The following CLMN variants were observed in gnomAD, a reference collection of about 807,000 sequenced individuals.
CLMN encodes calmin (calponin-like, transmembrane).
CLMN carries 57 observed loss-of-function variants against 92.7 expected under a neutral mutation model. The ratio of observed to expected loss-of-function variants is 0.61; its 90% CI spans 0.50 to 0.77. CLMN has a LOEUF of 0.77. Ranked by LOEUF, CLMN falls within the 30% of genes least tolerant of loss-of-function variation. CLMN has a pLI of 0.00. For synonymous variants in CLMN, 466 were observed against 470.6 expected (o/e 0.99, Z 0.13); for missense variants, 1,158 against 1,237.5 (o/e 0.94, Z 0.96).
chr14:95,287,870 CCT>C (rs756936387), intron 1 of CLMN, among the ~76,000 whole-genome samples: 29 of 152,296 alleles, frequency 1.9e-4, no homozygotes, highest in Non-Finnish European at 4.0e-4. Flanking sequence ...CATTTCCCTC[CCT>C]GTGCTCTCAA....
intron 1 of CLMN, among the ~76,000 whole-genome samples, chr14:95,243,740 AC>A (rs1898351043): frequency 2.0e-5 from 2 of 98,678 alleles, no homozygotes; most frequent in East Asian, 2.5e-4. Context: ...TTTTTTTAGC[AC>A]CAAAGAACCC....
In CLMN at chr14:95,196,709, A is replaced by C. The variant is rs201945230; in HGVS notation, c.2512-15T>G. The C allele has an allele frequency of 2.0e-5, 32 of 1,609,462 alleles. No homozygotes were observed. The highest frequency in any genetic ancestry group is 3.4e-5 in the Admixed American group (2 of 59,372). ...GATTCCTGGGACTGAAAGACAGAAC[A>C]ACCAAATCCAAGTCAGTATGTCACG... is the stretch of plus-strand genomic sequence containing the variant. On this transcript the variant is annotated splice_polypyrimidine_tract_variant and intron_variant, in intron 9 of 12. Coordinates refer to ENST00000298912, the MANE Select transcript of CLMN (RefSeq NM_024734.4).
intron 1 of CLMN, among the ~76,000 whole-genome samples, chr14:95,237,273 G>A (rs530764680): frequency 2.0e-5 from 3 of 152,208 alleles, no homozygotes; most frequent in Non-Finnish European, 4.4e-5. Context: ...AGTGCCTTTC[G>A]CAATCCTCAC....
chr14:95,203,569 C>A lies in CLMN; in HGVS notation c.1780G>T (p.Asp594Tyr). ...GCATGATTCTCAAAAGCCTCAGCAT[C>A]CTCGTCAGGTTTTGTCTCATGAGGT... Reference protein sequence around the residue: ...PSPHETKPDEDAEAFENHAEK... With the variant: ...PSPHETKPDEYAEAFENHAEK... The change falls in exon 9 of 13, where the codon GAT becomes TAT. Residue 594 changes from aspartate (D) to tyrosine (Y), a missense_variant. Physicochemically the swap from Asp to Tyr is radical, Grantham distance 160. Coordinates refer to ENST00000298912, the MANE Select transcript of CLMN (RefSeq NM_024734.4). 1.9e-6 allele frequency: 3 copies of A among 1,614,166 alleles called. No homozygotes were observed. In the South Asian group the frequency reaches 3.3e-5, roughly 18 times the overall value.
At chr14:95,302,307 A>T (rs1240512343) in intron 1 of CLMN, among the ~76,000 whole-genome samples, 2 of 152,126 alleles carry the variant, frequency 1.3e-5, no homozygotes, top group East Asian at 1.9e-4. Context: ...CTCAAAAATT[A>T]AAAAAATTAA....
chr14:95,306,550 A>G (rs1901287427), intron 1 of CLMN, among the ~76,000 whole-genome samples: 1 of 152,148 alleles, frequency 6.6e-6, no homozygotes, highest in Admixed American at 6.5e-5. Flanking sequence ...AAAAGAAGAG[A>G]TAAGAGAGAC....
At chr14:95,248,432 C>T (rs1435165523) in intron 1 of CLMN, among the ~76,000 whole-genome samples, 2 of 152,146 alleles carry the variant, frequency 1.3e-5, no homozygotes, top group African/African-American at 2.4e-5. Context: ...GGTTACCCAT[C>T]GAAGAAATGA....
chr14:95,317,789 GTTAC>G (rs1901858436), intron 1 of CLMN, among the ~76,000 whole-genome samples: 1 of 152,158 alleles, frequency 6.6e-6, no homozygotes, highest in East Asian at 1.9e-4. Context: ...CTGGGTGGTT[GTTAC>G]ATAGATGTAC....
At chr14:95,248,159 C>CT (rs1216992476) in intron 1 of CLMN, among the ~76,000 whole-genome samples, 1 of 151,056 alleles carries the variant, frequency 6.6e-6, no homozygotes, top group Admixed American at 6.6e-5. Flanking sequence ...TCAAGAGAGG[C>CT]TTAAGAGACA....
chr14:95,225,802 G>A (rs1323181406), intron 2 of CLMN, among the ~76,000 whole-genome samples: 3 of 152,206 alleles, frequency 2.0e-5, no homozygotes, highest in Non-Finnish European at 4.4e-5. Flanking sequence ...AAGGAAAAGA[G>A]CCAGAAGCCC....
At position 95,235,108 on chromosome 14, in the gene CLMN, CTT is replaced by C. The variant is rs143958497; in HGVS notation, c.83-4977_83-4976del. On this transcript the variant is annotated intron_variant, in intron 1 of 12. Coordinates refer to ENST00000298912, the MANE Select transcript of CLMN (RefSeq NM_024734.4). ...ATTATGCCCAGAGAAAACTCTCTCTCTTTCTCTCTCTCTCACACACACACACA... is the reference window on the plus strand; with the variant it reads ...ATTATGCCCAGAGAAAACTCTCTCTCTCTCTCTCTCTCACACACACACACA... Among the ~76,000 whole-genome samples the C allele has an allele frequency of 2.0e-3, 296 of 149,866 alleles. 2 individuals are homozygous for C. Among genetic ancestry groups the C allele is most frequent in the Non-Finnish European group, 3.6e-3 (247 of 67,854 alleles).
intron 1 of CLMN, among the ~76,000 whole-genome samples, chr14:95,272,946 C>T (rs1899772520): frequency 6.6e-6 from 1 of 152,224 alleles, no homozygotes; most frequent in South Asian, 2.1e-4. Flanking sequence ...TCCCTTCCAT[C>T]CCTCTCTGCA....
chr14:95,252,455 A>C (rs1429806592), intron 1 of CLMN, among the ~76,000 whole-genome samples: 1 of 152,194 alleles, frequency 6.6e-6, no homozygotes, highest in African/African-American at 2.4e-5. Context: ...GAGCACCTTG[A>C]ATGTTCACCC....
At chr14:95,227,227 T>C (rs529593927) in intron 2 of CLMN, among the ~76,000 whole-genome samples, 1 of 152,296 alleles carries the variant, frequency 6.6e-6, no homozygotes, top group African/African-American at 2.4e-5. Context: ...TCATTTTTTA[T>C]GGAGGAAGGT....
chr14:95,231,397 AC>A (rs1391966825), intron 1 of CLMN, among the ~76,000 whole-genome samples: 2 of 152,078 alleles, frequency 1.3e-5, no homozygotes, highest in East Asian at 3.9e-4. Flanking sequence ...ACAGAGTTTC[AC>A]CATGTTAGCC....
At chr14:95,301,958 C>A (rs1334412641) in intron 1 of CLMN, among the ~76,000 whole-genome samples, 1 of 152,214 alleles carries the variant, frequency 6.6e-6, no homozygotes, top group Non-Finnish European at 1.5e-5. Context: ...GACTAAGTGA[C>A]CGATTCATTC....
rs1160895448 is a variant in CLMN, at chr14:95,204,098, G to A, written c.1251C>T (p.Ser417=). 6.2e-7 allele frequency: 1 copy of A among 1,614,106 alleles called. No individual in the cohort carries two copies. Among genetic ancestry groups the A allele is most frequent in the South Asian group, 1.1e-5 (1 of 91,078 alleles). The change falls in exon 9 of 13, where the codon TCC becomes TCT. Residue 417 remains serine, a synonymous_variant. Transcript: ENST00000298912. ...CTGTTTTCTTGATCGGCAAAGAGTT[G>A]GACCTCCCGTTCTCCTTTCTGGATG... ...ILSSRKENGR[S]NSLPIKKTVH... is the part of the protein sequence containing the mutation.
At chr14:95,298,099 A>G (rs1033170152) in intron 1 of CLMN, among the ~76,000 whole-genome samples, 5 of 151,984 alleles carry the variant, frequency 3.3e-5, no homozygotes, top group Admixed American at 6.6e-5. Flanking sequence ...AAAGTCACAG[A>G]ATTCTCGACT....
chr14:95,290,437 G>A (rs768895051), intron 1 of CLMN, among the ~76,000 whole-genome samples: 6 of 152,252 alleles, frequency 3.9e-5, no homozygotes, highest in African/African-American at 9.6e-5. Context: ...GTCTTTATAA[G>A]AGGAAGACAG....
Sources: gnomAD v4.1 joint callset for allele counts (sites outside exome capture counted in the v4.1 genomes callset) on GRCh38, gnomAD v4.1.1 for gene constraint, MANE v1.5 for transcripts, NCBI Gene and HGNC (gene_info 2026-07-23, HGNC 2026-07-21) for gene names.